Variants in NBPF8 observed in about 807,000 individuals in gnomAD.
NBPF8 encodes the protein NBPF family member NBPF8.
chr1:120,435,647 C>T (rs1408803867), upstream of NBPF8, among the ~76,000 whole-genome samples: 3 of 148,780 alleles, frequency 2.0e-5, no homozygotes, highest in African/African-American at 5.0e-5. Flanking sequence ...TCGAGACCAT[C>T]GTGGCTAACA....
chr1:120,465,872 C>T, intron 24 of NBPF8, 106 bp from the exon 23 acceptor site: 3 of 1,610,326 alleles, frequency 1.9e-6, no homozygotes, highest in South Asian at 1.1e-5. Context: ...ATGGATCTGT[C>T]CTTTTTCTTT....
intron 15 of NBPF8, among the ~76,000 whole-genome samples, chr1:120,454,396 G>A (rs1208604369): frequency 7.9e-5 from 12 of 151,828 alleles, no homozygotes; most frequent in Admixed American, 1.3e-4. Context: ...CTTCGATTCA[G>A]TATCTCTTGT....
At chr1:120,468,509 A>T (rs1298516726), downstream of NBPF8, among the ~76,000 whole-genome samples, 1 of 148,164 alleles carries the variant, frequency 6.7e-6, no homozygotes, top group Non-Finnish European at 1.5e-5. Context: ...CTTGGGGGAC[A>T]TACATGGTGT....
At chr1:120,468,082 T>C (rs1396580175), downstream of NBPF8, among the ~76,000 whole-genome samples, 2 of 151,410 alleles carry the variant, frequency 1.3e-5, no homozygotes, top group South Asian at 2.1e-4. Context: ...ACTTCTAATA[T>C]TTGGTTTATA....
intron 13 of NBPF8, among the ~76,000 whole-genome samples, chr1:120,452,947 G>A (rs1661326251): frequency 1.3e-5 from 2 of 151,978 alleles, no homozygotes; most frequent in East Asian, 1.9e-4. Context: ...GCCACTTGGA[G>A]GCTTGAAATC....
chr1:120,420,385 A>G (rs1294992532), intron 1 of NBPF8, among the ~76,000 whole-genome samples: 7 of 136,018 alleles, frequency 5.1e-5, no homozygotes, highest in Admixed American at 4.9e-4. Context: ...TAGTAGCTAG[A>G]TCTACATCCC....
rs1162196658 is a variant in NBPF8 at position 120,455,913 on chromosome 1, T to C, written n.2620+453T>C. On this transcript the variant is annotated intron_variant and non_coding_transcript_variant, in intron 16 of 24. Coordinates refer to ENST00000583271, the Ensembl canonical transcript of NBPF8. ...TTTCTCTTGTGGGCATTTAGTGCTA[T>C]AATTTTCCCTCTACACATTGCTTTA... Among the ~76,000 whole-genome samples the C allele has an allele frequency of 5.9e-4, 90 of 152,302 alleles. 1 individual carries two copies. Among genetic ancestry groups the C allele is most frequent in the African/African-American group, 2.1e-3 (86 of 41,550 alleles).
At chr1:120,450,934 TG>T (rs1661251645) in intron 11 of NBPF8, among the ~76,000 whole-genome samples, 2 of 152,066 alleles carry the variant, frequency 1.3e-5, no homozygotes, top group South Asian at 4.2e-4. Flanking sequence ...CACTTCGTTG[TG>T]GTTGAATCAT....
At chr1:120,464,776 T>C (rs1328802161) in intron 23 of NBPF8, among the ~76,000 whole-genome samples, 6 of 147,422 alleles carry the variant, frequency 4.1e-5, no homozygotes, top group Admixed American at 4.1e-4. Flanking sequence ...TGTGGCGCCC[T>C]GATCCTACTC....
In NBPF8 at chr1:120,462,307, ACTC is replaced by A; in HGVS notation, n.3061+116_3061+118del. 4.5e-6 allele frequency: 3 copies of A among 668,082 alleles called. 1 individual carries two copies. The highest frequency in any genetic ancestry group is 4.5e-5 in the South Asian group (3 of 67,020). 41.4% of individuals were successfully genotyped at this position (668,082 alleles called of 1,614,324 possible). ...TCATGTTTTCAACGAAGGTTGAAAT[ACTC>A]CTCCTGACATTGCTGTTGGTTTTCA... On this transcript the variant is annotated intron_variant and non_coding_transcript_variant, in intron 20 of 24. Transcript: ENST00000583271.
At chr1:120,466,401 G>C in exon 25 of NBPF8, 1 of 812,598 alleles carries the variant, frequency 1.2e-6, no homozygotes, top group South Asian at 1.7e-5. Context: ...GAAGACAATG[G>C]ACCCACGTTA....
chr1:120,450,516 C>T (rs1446269290), intron 11 of NBPF8, among the ~76,000 whole-genome samples: 45 of 152,262 alleles, frequency 3.0e-4, no homozygotes, highest in African/African-American at 1.1e-3. Flanking sequence ...ATTACATGAG[C>T]TATTTCTTGT....
upstream of NBPF8, among the ~76,000 whole-genome samples, chr1:120,435,768 A>T (rs1661055697): frequency 6.6e-6 from 1 of 151,640 alleles, no homozygotes; most frequent in Admixed American, 6.6e-5. Context: ...TGGGAGTCTG[A>T]GGCAGGAGAA....
At chr1:120,465,903 A>G in intron 24 of NBPF8, 75 bp from the exon 23 acceptor site, 2 of 1,611,382 alleles carry the variant, frequency 1.2e-6, no homozygotes, top group Non-Finnish European at 1.7e-6. Context: ...TCCTTATGTT[A>G]CTTCTGAAAT....
At chr1:120,462,443 G>T in intron 20 of NBPF8, among the ~76,000 whole-genome samples, 1 of 146,262 alleles carries the variant, frequency 6.8e-6, no homozygotes, top group Admixed American at 6.8e-5. Context: ...GGAGTCTTGA[G>T]CAAGTTTATG....
intron 22 of NBPF8, among the ~76,000 whole-genome samples, 197 bp from the exon 21 acceptor site, chr1:120,464,175 GTGTC>G (rs1312686101): frequency 2.2e-4 from 19 of 85,766 alleles, no homozygotes; most frequent in African/African-American, 8.8e-4. Flanking sequence ...GTGTGTGTGT[GTGTC>G]TGTCTGTCTT....
At chr1:120,422,026 C>G (rs1660590844) in intron 1 of NBPF8, among the ~76,000 whole-genome samples, 1 of 151,640 alleles carries the variant, frequency 6.6e-6, no homozygotes, top group African/African-American at 2.4e-5. Context: ...AACAGGATGC[C>G]ACCAAAACCT....
upstream of NBPF8, chr1:120,436,332 T>A (rs1661075019): frequency 1.3e-6 from 2 of 1,532,786 alleles, no homozygotes; most frequent in South Asian, 1.2e-5. Flanking sequence ...CGAACCTTGT[T>A]TTTGTGGTGA....
At chr1:120,442,719 C>T (rs2101665409) in intron 5 of NBPF8, 8 of 61,832 alleles carry the variant, frequency 1.3e-4, no homozygotes, top group East Asian at 1.2e-3. Context: ...AAGAGTGAAA[C>T]CAGGGAAACA....
Sources: gnomAD v4.1 joint callset for allele counts (sites outside exome capture counted in the v4.1 genomes callset) on GRCh38, gnomAD v4.1.1 for gene constraint, MANE v1.5 for transcripts, NCBI Gene and HGNC (gene_info 2026-07-23, HGNC 2026-07-21) for gene names.